MITF: variants seen among roughly 807,000 people sequenced by gnomAD.
MITF encodes microphthalmia-associated transcription factor.
MITF carries 17 observed loss-of-function variants against 60.5 expected under a neutral mutation model. That is an observed-to-expected ratio of 0.28 (90% confidence interval 0.19 to 0.42). MITF has a LOEUF of 0.42. Among genes scored for constraint, MITF ranks in the 10% least tolerant of loss-of-function variants. MITF has a pLI of 1.00. For missense variants in MITF, 622 were observed against 683.5 expected, an observed-to-expected ratio of 0.91 and a Z score of 1.00; for synonymous variants, 260 against 248.5, an observed-to-expected ratio of 1.05 and a Z score of -0.43.
At chr3:69,917,030 A>C (rs1575956066) in intron 2 of MITF, among the ~76,000 whole-genome samples, 1 of 152,324 alleles carries the variant, frequency 6.6e-6, no homozygotes, top group African/African-American at 2.4e-5. Flanking sequence ...TTGGACACTA[A>C]GTGTCCATAT....
intron 2 of MITF, among the ~76,000 whole-genome samples, chr3:69,888,038 T>A (rs566777997): frequency 2.7e-4 from 41 of 152,164 alleles, no homozygotes; most frequent in African/African-American, 9.6e-4. Flanking sequence ...AGGATTTCAA[T>A]CACCCGGTCG....
chr3:69,859,886 T>C (rs962708080), intron 1 of MITF, among the ~76,000 whole-genome samples: 2 of 152,210 alleles, frequency 1.3e-5, no homozygotes, highest in African/African-American at 2.4e-5. Flanking sequence ...CAGGTGCTGA[T>C]GTGGAGATTT....
chr3:69,963,970 C>CTTTTTTTTTTTTTTTT (rs56921812), intron 9 of MITF, among the ~76,000 whole-genome samples: 59 of 86,116 alleles, frequency 6.9e-4, no homozygotes, highest in Non-Finnish European at 8.1e-4. Context: ...TTTTTCTTTT[C>CTTTTTTTTTTTTTTTT]TTTTTTTTTT....
intron 1 of MITF, among the ~76,000 whole-genome samples, chr3:69,772,485 T>G (rs2062408829): frequency 6.6e-6 from 1 of 152,174 alleles, no homozygotes; most frequent in African/African-American, 2.4e-5. Context: ...GGGAAGCAAT[T>G]TAGAAGTGAT....
At chr3:69,884,572 C>A (rs184856563) in intron 2 of MITF, among the ~76,000 whole-genome samples, 5 of 152,210 alleles carry the variant, frequency 3.3e-5, no homozygotes, top group Admixed American at 3.3e-4. Context: ...TGAGTGGCAG[C>A]CCCTTTGCTT....
intron 1 of MITF, among the ~76,000 whole-genome samples, chr3:69,854,820 T>C (rs973247099): frequency 6.6e-6 from 1 of 152,196 alleles, no homozygotes; most frequent in Non-Finnish European, 1.5e-5. Flanking sequence ...AAAATGTCTC[T>C]AGACCTGTCA....
At chr3:69,855,217 G>C (rs1478476432) in intron 1 of MITF, among the ~76,000 whole-genome samples, 1 of 136,020 alleles carries the variant, frequency 7.4e-6, no homozygotes, top group African/African-American at 2.8e-5. Context: ...AGATGATCAT[G>C]CTCATTGCAT....
intron 1 of MITF, among the ~76,000 whole-genome samples, chr3:69,823,035 C>G (rs1206928138): frequency 2.6e-5 from 4 of 151,910 alleles, no homozygotes; most frequent in South Asian, 2.1e-4. Flanking sequence ...CATGCCACCA[C>G]GCCTGGCTAA....
chr3:69,762,234 C>T (rs9855968), intron 1 of MITF, among the ~76,000 whole-genome samples: 4,091 of 152,178 alleles, frequency 0.027, 110 homozygotes, highest in African/African-American at 0.067. Context: ...TAGTTAATGG[C>T]TTTAATGGTG....
intron 2 of MITF, among the ~76,000 whole-genome samples, chr3:69,913,363 A>C (rs2065264260): frequency 6.6e-6 from 1 of 152,112 alleles, no homozygotes; most frequent in South Asian, 2.1e-4. Context: ...TCTGAATGAC[A>C]CTTCCACCTA....
intron 6 of MITF, among the ~76,000 whole-genome samples, chr3:69,950,627 G>GTATATATATATATATA (rs143648888): frequency 3.6e-5 from 5 of 138,054 alleles, no homozygotes; most frequent in African/African-American, 1.3e-4. Context: ...TATATGGTGT[G>GTATATATATATATATA]TATATATATA....
At chr3:69,950,258 G>A (rs978577466) in intron 6 of MITF, among the ~76,000 whole-genome samples, 8 of 151,730 alleles carry the variant, frequency 5.3e-5, no homozygotes, top group Non-Finnish European at 1.2e-4. Context: ...TCACACCACT[G>A]CACTCCAGCC....
At chr3:69,826,249 T>A (rs926871344) in intron 1 of MITF, among the ~76,000 whole-genome samples, 1 of 152,160 alleles carries the variant, frequency 6.6e-6, no homozygotes, top group African/African-American at 2.4e-5. Flanking sequence ...ACCAACTGCA[T>A]AGATTAATTT....
At position 69,898,157 on chromosome 3, in the gene MITF, G is replaced by T. The variant is rs76644918; in HGVS notation, c.354+18774G>T. ...CACAGAGTTTTGAGAGCTGCCAATG[G>T]GAAGATGTGATGTAAAGAGTCCAAG... On this transcript the variant is annotated intron_variant, in intron 2 of 9. Coordinates refer to ENST00000352241, the MANE Select transcript of MITF (RefSeq NM_001354604.2). Among the ~76,000 whole-genome samples the T allele has an allele frequency of 7.6e-3, 1,161 of 152,306 alleles. 8 individuals are homozygous for T. The highest frequency in any genetic ancestry group is 0.026 in the African/African-American group (1,088 of 41,548).
intron 1 of MITF, among the ~76,000 whole-genome samples, chr3:69,858,781 G>T (rs2063962560): frequency 6.6e-6 from 1 of 152,050 alleles, no homozygotes; most frequent in Non-Finnish European, 1.5e-5. Flanking sequence ...TACCTCTTAA[G>T]ATATCAAAAT....
intron 8 of MITF, 139 bp from the exon 9 acceptor site, chr3:69,959,134 A>G (rs890286618): frequency 7.1e-5 from 72 of 1,011,682 alleles, no homozygotes; most frequent in Non-Finnish European, 8.6e-5. Context: ...CATGTAACCA[A>G]GCACCACCTG....
At chr3:69,753,130 G>A (rs1009661942) in intron 1 of MITF, among the ~76,000 whole-genome samples, 40 of 152,192 alleles carry the variant, frequency 2.6e-4, no homozygotes, top group African/African-American at 9.4e-4. Flanking sequence ...GCCCTGCATA[G>A]CCTTGGGACA....
chr3:69,924,606 G>A (rs182193204), intron 2 of MITF, among the ~76,000 whole-genome samples: 2 of 152,306 alleles, frequency 1.3e-5, no homozygotes, highest in East Asian at 3.9e-4. Context: ...TATTGACTCG[G>A]CTCATCCTGT....
At chr3:69,758,341 A>AT (rs957119996) in intron 1 of MITF, among the ~76,000 whole-genome samples, 10 of 148,562 alleles carry the variant, frequency 6.7e-5, no homozygotes, top group Admixed American at 1.3e-4. Context: ...GGCTAATTAA[A>AT]TTTTTTTTTT....
Sources: allele counts gnomAD v4.1 joint callset (sites outside exome capture counted in the v4.1 genomes callset), GRCh38; gene constraint gnomAD v4.1.1; transcripts MANE v1.5; gene names NCBI Gene and HGNC (gene_info 2026-07-23, HGNC 2026-07-21).